The following DIAPH2 variants were observed in gnomAD, a reference collection of about 807,000 sequenced individuals.
DIAPH2 encodes the protein protein diaphanous homolog 2.
Under a neutral mutation model 92.7 loss-of-function variants are expected in DIAPH2, and 35 were observed. The observed-to-expected ratio is 0.38, with a 90% CI of 0.29 to 0.50. The LOEUF (loss-of-function observed/expected upper bound fraction) is 0.50, where lower values mean the gene tolerates loss of function less well. Ranked by LOEUF, DIAPH2 falls within the 20% of genes least tolerant of loss-of-function variation. DIAPH2 has a pLI of 0.94. For missense variants in DIAPH2, 701 were observed against 819.5 expected, an observed-to-expected ratio of 0.86 and a Z score of 1.77; for synonymous variants, 301 against 280.4, an observed-to-expected ratio of 1.07 and a Z score of -0.73.
At chrX:97,432,828 G>A (rs972689940) in intron 26 of DIAPH2, among the ~76,000 whole-genome samples, 1 of 111,223 alleles carries the variant, frequency 9.0e-6, no homozygotes, top group Non-Finnish European at 1.9e-5. Flanking sequence ...TTGCCCTATT[G>A]CCCAGGCTGG....
intron 4 of DIAPH2, among the ~76,000 whole-genome samples, chrX:96,771,994 G>A (rs1344805933): frequency 1.8e-5 from 2 of 110,345 alleles, no homozygotes; most frequent in Admixed American, 9.7e-5. Context: ...CCGAGATGGC[G>A]CCACTGCCCT....
chrX:96,915,098 T>A (rs909193276), intron 7 of DIAPH2, among the ~76,000 whole-genome samples: 1 of 111,387 alleles, frequency 9.0e-6, no homozygotes, highest in Non-Finnish European at 1.9e-5. Context: ...AGTACTATAA[T>A]ATTGCTCTGA....
intron 26 of DIAPH2, among the ~76,000 whole-genome samples, chrX:97,511,237 G>A (rs1180775629): frequency 1.1e-5 from 1 of 93,441 alleles, no homozygotes; most frequent in East Asian, 3.7e-4. Context: ...TCCCTTGTAA[G>A]TTGGATTCCT....
intron 3 of DIAPH2, among the ~76,000 whole-genome samples, chrX:96,751,982 A>G (rs1293208702): frequency 9.0e-6 from 1 of 111,714 alleles, no homozygotes; most frequent in Non-Finnish European, 1.9e-5. Flanking sequence ...ATCACAAAAT[A>G]CTACATTTTT....
intron 15 of DIAPH2, among the ~76,000 whole-genome samples, chrX:96,952,794 A>C (rs1481886125): frequency 9.0e-6 from 1 of 111,141 alleles, no homozygotes; most frequent in African/African-American, 3.3e-5. Context: ...TTCAGTTAGA[A>C]GAACTAAATA....
rs777108175 is a variant in DIAPH2, at chrX:97,494,748, CT to C, written c.3241+65004del. Among the ~76,000 whole-genome samples the C allele has an allele frequency of 1.2e-4, 14 of 112,119 alleles. No individual in the cohort carries two copies. In the East Asian group the frequency reaches 3.9e-3, roughly 31 times the overall value. On this transcript the variant is annotated intron_variant, in intron 26 of 26. Transcript: ENST00000324765. ...GATTCCTAATTAGATGGATTTACCC[CT>C]AGCACAATTCATAGAGCCATGCTAA...
intron 11 of DIAPH2, among the ~76,000 whole-genome samples, chrX:96,937,894 C>T (rs763072034): frequency 4.5e-5 from 5 of 111,797 alleles, no homozygotes; most frequent in East Asian, 2.8e-4. Flanking sequence ...AACCTTCCGA[C>T]GGCAGCAATT....
chrX:97,374,111 AGAAGG>A (rs902024529), intron 24 of DIAPH2, among the ~76,000 whole-genome samples: 2 of 110,738 alleles, frequency 1.8e-5, no homozygotes, highest in African/African-American at 6.6e-5. Context: ...CAGAAAAAAA[AGAAGG>A]GAAGAGATGA....
At chrX:96,944,809 G>A (rs2065728043) in intron 13 of DIAPH2, among the ~76,000 whole-genome samples, 1 of 110,790 alleles carries the variant, frequency 9.0e-6, no homozygotes, top group East Asian at 2.8e-4. Flanking sequence ...AGGTTCTTTC[G>A]AGTTTGGGAT....
chrX:97,392,143 T>G (rs1380873406), intron 25 of DIAPH2, among the ~76,000 whole-genome samples: 1 of 112,106 alleles, frequency 8.9e-6, no homozygotes, highest in Non-Finnish European at 1.9e-5. Flanking sequence ...CTACCTAGCT[T>G]TATGACCTAG....
At chrX:96,887,640 G>A (rs773958825) in intron 5 of DIAPH2, among the ~76,000 whole-genome samples, 2 of 111,290 alleles carry the variant, frequency 1.8e-5, no homozygotes, top group Non-Finnish European at 3.8e-5. Flanking sequence ...TGATCATTTT[G>A]TTACTTTTAC....
At chrX:97,381,354 C>G (rs1354147129) in intron 24 of DIAPH2, among the ~76,000 whole-genome samples, 1 of 111,162 alleles carries the variant, frequency 9.0e-6, no homozygotes, top group Admixed American at 9.7e-5. Flanking sequence ...TCAAAGGATG[C>G]TTATAAAAAA....
chrX:96,818,968 G>A (rs772224556), intron 4 of DIAPH2, among the ~76,000 whole-genome samples: 9 of 112,609 alleles, frequency 8.0e-5, no homozygotes, highest in South Asian at 3.7e-4. Flanking sequence ...TTCTCATAAG[G>A]AGTGCACAAC....
chrX:96,884,913 C>T (rs1374457614), intron 5 of DIAPH2: 4 of 1,211,190 alleles, frequency 3.3e-6, no homozygotes, highest in Non-Finnish European at 4.5e-6. Context: ...GCAATTTCAT[C>T]CAGGACGAAG....
intron 17 of DIAPH2, among the ~76,000 whole-genome samples, chrX:97,047,246 A>G (rs944958333): frequency 9.0e-6 from 1 of 111,263 alleles, no homozygotes; most frequent in African/African-American, 3.3e-5. Context: ...ATTACTTTAT[A>G]GAACGATGAC....
In DIAPH2 at chrX:96,993,300, G is replaced by A. The variant is rs113677505; in HGVS notation, c.2050+28093G>A. ...TGAATAAGATATGGTTTGCATCCTCGAAGAGGTCCTTATTTTCAAAAGAGA... is the reference window on the plus strand; with the variant it reads ...TGAATAAGATATGGTTTGCATCCTCAAAGAGGTCCTTATTTTCAAAAGAGA... On this transcript the variant is annotated intron_variant, in intron 17 of 26. Coordinates refer to ENST00000324765, the MANE Select transcript of DIAPH2 (RefSeq NM_006729.5). Among the ~76,000 whole-genome samples the A allele has an allele frequency of 7.7e-3, 861 of 111,966 alleles. 9 individuals carry two copies. The highest frequency in any genetic ancestry group is 0.027 in the African/African-American group (819 of 30,823).
chrX:97,464,130 A>C (rs1250248731), intron 26 of DIAPH2, among the ~76,000 whole-genome samples: 1 of 107,758 alleles, frequency 9.3e-6, no homozygotes, highest in Non-Finnish European at 1.9e-5. Flanking sequence ...GAGACCACAG[A>C]GTGTCTTAGG....
At chrX:97,570,676 A>G (rs764472387) in intron 26 of DIAPH2, among the ~76,000 whole-genome samples, 139 of 111,069 alleles carry the variant, frequency 1.3e-3, no homozygotes, top group African/African-American at 4.3e-3. Flanking sequence ...GTTGTTTCTC[A>G]CTGTTCAACA....
chrX:96,792,197 A>G (rs768543808), intron 4 of DIAPH2, among the ~76,000 whole-genome samples: 2 of 111,805 alleles, frequency 1.8e-5, no homozygotes, highest in African/African-American at 3.3e-5. Context: ...TTGTTTTATG[A>G]TATTTACAGA....
Sources: gnomAD v4.1 joint callset for allele counts (sites outside exome capture counted in the v4.1 genomes callset) on GRCh38, gnomAD v4.1.1 for gene constraint, MANE v1.5 for transcripts, NCBI Gene and HGNC (gene_info 2026-07-23, HGNC 2026-07-21) for gene names.